Variants in RPS6KC1 observed in about 807,000 individuals in gnomAD.
RPS6KC1 encodes inactive ribosomal protein S6 kinase delta-1.
RPS6KC1 carries 54 observed loss-of-function variants against 103.8 expected under a neutral mutation model. That is an observed-to-expected ratio of 0.52 (90% CI 0.42 to 0.65). The LOEUF (loss-of-function observed/expected upper bound fraction) is 0.65. Among genes scored for constraint, RPS6KC1 ranks in the 30% least tolerant of loss-of-function variants. The pLI is 0.00. For synonymous variants in RPS6KC1, 439 were observed against 438.7 expected (o/e 1.00, Z -0.01); for missense variants, 1,151 against 1,253.8 (o/e 0.92, Z 1.24).
At chr1:213,158,386 G>C (rs2090127978) in intron 6 of RPS6KC1, among the ~76,000 whole-genome samples, 1 of 152,144 alleles carries the variant, frequency 6.6e-6, no homozygotes, top group Admixed American at 6.5e-5. Flanking sequence ...GTTTTGATCA[G>C]ACCCACCTAC....
At chr1:213,810,717 A>G in the RPS6KC1 span, among the ~76,000 whole-genome samples, 2 of 152,176 alleles carry the variant, frequency 1.3e-5, no homozygotes, top group Non-Finnish European at 2.9e-5. Context: ...ACTGCTACCA[A>G]CACTTTCCAG....
At chr1:213,763,323 C>T in the RPS6KC1 span, among the ~76,000 whole-genome samples, 5 of 152,200 alleles carry the variant, frequency 3.3e-5, no homozygotes, top group African/African-American at 1.2e-4. Context: ...TGACTTGATT[C>T]CCAGGAGACC....
the RPS6KC1 span, among the ~76,000 whole-genome samples, chr1:213,405,242 G>A: frequency 6.6e-6 from 1 of 152,234 alleles, no homozygotes; most frequent in African/African-American, 2.4e-5. Context: ...TAGGCATTGG[G>A]ATACGGAGGA....
chr1:213,785,221 A>AT, the RPS6KC1 span, among the ~76,000 whole-genome samples: 1 of 152,154 alleles, frequency 6.6e-6, no homozygotes, highest in African/African-American at 2.4e-5. Context: ...CAAATTAGCC[A>AT]TATCAATGAT....
At chr1:213,177,674 T>C (rs2091963466) in intron 8 of RPS6KC1, among the ~76,000 whole-genome samples, 1 of 152,208 alleles carries the variant, frequency 6.6e-6, no homozygotes, top group Non-Finnish European at 1.5e-5. Flanking sequence ...TTTCTGTGGC[T>C]TTTCCAGTTT....
At chr1:213,380,285 GGA>G in the RPS6KC1 span, among the ~76,000 whole-genome samples, 1 of 152,138 alleles carries the variant, frequency 6.6e-6, no homozygotes, top group Non-Finnish European at 1.5e-5. Context: ...GCGAACACAT[GGA>G]CACAGCGAGG....
chr1:213,576,253 CAA>C, the RPS6KC1 span, among the ~76,000 whole-genome samples: 2 of 151,574 alleles, frequency 1.3e-5, no homozygotes, highest in Non-Finnish European at 2.9e-5. Flanking sequence ...AATTTAAAAA[CAA>C]TATAGTATAA....
intron 8 of RPS6KC1, among the ~76,000 whole-genome samples, chr1:213,182,938 T>G (rs1259124697): frequency 2.0e-5 from 3 of 150,098 alleles, no homozygotes; most frequent in African/African-American, 7.3e-5. Flanking sequence ...TGTTTGAAGT[T>G]TCTTATATAT....
intron 3 of RPS6KC1, among the ~76,000 whole-genome samples, chr1:213,100,415 A>G (rs2148737414): frequency 6.6e-6 from 1 of 152,220 alleles, no homozygotes; most frequent in East Asian, 1.9e-4. Flanking sequence ...AAATTTTATT[A>G]TTATCAGGAA....
At chr1:213,372,434 C>A in the RPS6KC1 span, among the ~76,000 whole-genome samples, 1 of 152,192 alleles carries the variant, frequency 6.6e-6, no homozygotes, top group East Asian at 1.9e-4. Context: ...ATAGGCCTGG[C>A]CTTACGGGAT....
At chr1:213,855,675 C>G in the RPS6KC1 span, among the ~76,000 whole-genome samples, 1 of 152,196 alleles carries the variant, frequency 6.6e-6, no homozygotes, top group Non-Finnish European at 1.5e-5. Flanking sequence ...TTACCTCATA[C>G]AGTGCTAGCC....
At chr1:213,544,413 C>A in the RPS6KC1 span, among the ~76,000 whole-genome samples, 142,227 of 152,256 alleles carry the variant, frequency 0.93, 66,554 homozygotes, top group East Asian at 1. Flanking sequence ...TTTTTATATA[C>A]AGGAATTTAA....
the RPS6KC1 span, among the ~76,000 whole-genome samples, chr1:213,287,265 TGTG>T: frequency 6.7e-6 from 1 of 149,728 alleles, no homozygotes; most frequent in Non-Finnish European, 1.5e-5. Context: ...TGTGTGTGTG[TGTG>T]TGTGTATTTT....
At chr1:213,285,320 G>T in the RPS6KC1 span, among the ~76,000 whole-genome samples, 1 of 139,388 alleles carries the variant, frequency 7.2e-6, no homozygotes, top group Non-Finnish European at 1.5e-5. Flanking sequence ...CCTCCTGAAG[G>T]CCCCATCTCC....
intron 8 of RPS6KC1, among the ~76,000 whole-genome samples, chr1:213,205,566 A>ATATATATATATATATATATATT (rs1558534453): frequency 1.4e-5 from 2 of 141,054 alleles, no homozygotes; most frequent in Non-Finnish European, 3.1e-5. Context: ...ATATATATAT[A>ATATATATATATATATATATATT]TTTCAAAAGA....
chr1:213,070,025 T>C (rs1480123741), intron 1 of RPS6KC1, among the ~76,000 whole-genome samples: 1 of 152,240 alleles, frequency 6.6e-6, no homozygotes, highest in Non-Finnish European at 1.5e-5. Context: ...GGAGTATTGA[T>C]AGAAGGATTA....
chr1:213,136,340 A>G (rs1208549115), intron 6 of RPS6KC1, among the ~76,000 whole-genome samples: 1 of 152,166 alleles, frequency 6.6e-6, no homozygotes, highest in Admixed American at 6.5e-5. Flanking sequence ...GATTAGGCAT[A>G]GGTTATTTGG....
chr1:213,795,951 G>A, the RPS6KC1 span, among the ~76,000 whole-genome samples: 1 of 152,150 alleles, frequency 6.6e-6, no homozygotes, highest in Non-Finnish European at 1.5e-5. Flanking sequence ...GTTTTAGACA[G>A]CCCTGGAACA....
In RPS6KC1 at chr1:213,061,118, C is replaced by T. The variant is rs545160359; in HGVS notation, c.105+9609C>T. ...CGCAGTAATCCCATCATGAAGTTCC[C>T]ACCCTCATGACCTGATTACCTCTGG... On this transcript the variant is annotated intron_variant, in intron 1 of 14. Coordinates refer to ENST00000366960, the MANE Select transcript of RPS6KC1 (RefSeq NM_012424.6). Among the ~76,000 whole-genome samples the T allele has an allele frequency of 7.2e-4, 110 of 152,282 alleles. 1 individual carries two copies. Among genetic ancestry groups the T allele is most frequent in the South Asian group, 1.5e-3 (7 of 4,816 alleles).
Sources: allele counts gnomAD v4.1 joint callset (sites outside exome capture counted in the v4.1 genomes callset), GRCh38; gene constraint gnomAD v4.1.1; transcripts MANE v1.5; gene names NCBI Gene and HGNC (gene_info 2026-07-23, HGNC 2026-07-21).